Variants in SAMD12 observed in about 807,000 individuals in gnomAD.
SAMD12 encodes the protein sterile alpha motif domain-containing protein 12.
SAMD12 carries 9 observed loss-of-function variants against 15.0 expected under a neutral mutation model. The ratio of observed to expected loss-of-function variants is 0.60; its 90% confidence interval spans 0.36 to 1.05. The LOEUF is 1.05. Ranked by LOEUF, SAMD12 falls within the 50% of genes least tolerant of loss-of-function variation. The probability of loss-of-function intolerance (pLI) is 0.01; values close to 1 mark genes in which losing one functional copy is unlikely to be tolerated. For missense variants in SAMD12, 230 were observed against 234.2 expected (o/e 0.98, Z 0.12); for synonymous variants, 86 against 90.1 (o/e 0.96, Z 0.25).
At chr8:118,585,542 T>A (rs11989600) in intron 1 of SAMD12, among the ~76,000 whole-genome samples, 5,785 of 149,528 alleles carry the variant, frequency 0.039, 174 homozygotes, top group East Asian at 0.13. Flanking sequence ...AAAGAGAGGT[T>A]CCAAAGATAT....
intron 3 of SAMD12, among the ~76,000 whole-genome samples, chr8:118,381,590 C>A (rs914785777): frequency 6.6e-6 from 1 of 152,048 alleles, no homozygotes; most frequent in Non-Finnish European, 1.5e-5. Flanking sequence ...GAAGGGAGAG[C>A]CAGAGAGACA....
intron 2 of SAMD12, among the ~76,000 whole-genome samples, chr8:118,454,749 C>T (rs1370466400): frequency 6.6e-6 from 1 of 152,156 alleles, no homozygotes; most frequent in Non-Finnish European, 1.5e-5. Context: ...TCTTTCCATT[C>T]TGCAAAACTG....
At chr8:118,465,209 C>T (rs1014618425) in intron 2 of SAMD12, among the ~76,000 whole-genome samples, 1 of 152,092 alleles carries the variant, frequency 6.6e-6, no homozygotes, top group Non-Finnish European at 1.5e-5. Flanking sequence ...GACCCAGGAG[C>T]AATGATTATA....
chr8:118,610,454 G>A (rs1828081463), intron 1 of SAMD12, among the ~76,000 whole-genome samples: 1 of 152,168 alleles, frequency 6.6e-6, no homozygotes, highest in African/African-American at 2.4e-5. Flanking sequence ...ACAAAGCCAA[G>A]TTCTACCACA....
intron 2 of SAMD12, among the ~76,000 whole-genome samples, chr8:118,515,343 C>A (rs1825213004): frequency 6.6e-6 from 1 of 151,984 alleles, no homozygotes; most frequent in Non-Finnish European, 1.5e-5. Context: ...CCTCCTGGCT[C>A]CAGCCACGTA....
In SAMD12 at chr8:118,329,205, A is replaced by C. The variant is rs1421935626; in HGVS notation, c.433+50355T>G. Among the ~76,000 whole-genome samples the C allele has an allele frequency of 2.6e-5, 4 of 152,302 alleles. No individual in the cohort carries two copies. In the East Asian group the frequency reaches 7.7e-4, roughly 29 times the overall value. On this transcript the variant is annotated intron_variant, in intron 4 of 4. Coordinates refer to the SAMD12 transcript ENST00000409003. ...GGTACTCTGCAGAAACCCCTTCCCT[A>C]TCTTGGACATAAGGTCATCTAAGGC... is the stretch of plus-strand genomic sequence containing the variant.
chr8:118,591,628 C>A (rs1827587505), intron 1 of SAMD12, among the ~76,000 whole-genome samples: 1 of 151,840 alleles, frequency 6.6e-6, no homozygotes, highest in Admixed American at 6.6e-5. Context: ...ATAAAAAGTG[C>A]AACCTACCTG....
At chr8:118,580,624 GA>G in intron 2 of SAMD12, 90 bp downstream of exon 2, 1 of 850,792 alleles carries the variant, frequency 1.2e-6, no homozygotes. Context: ...GGTAATTAGT[GA>G]AAGCACTATC....
chr8:118,548,425 C>CA (rs1826201317), intron 2 of SAMD12, among the ~76,000 whole-genome samples: 1 of 133,134 alleles, frequency 7.5e-6, no homozygotes, highest in Non-Finnish European at 1.6e-5. Flanking sequence ...ACACACACAC[C>CA]CCATGTGATG....
chr8:118,398,104 AAAT>A (rs1820676047), intron 3 of SAMD12, among the ~76,000 whole-genome samples: 2 of 152,276 alleles, frequency 1.3e-5, no homozygotes, highest in South Asian at 4.1e-4. Flanking sequence ...TTGAGAATTT[AAAT>A]AATATGACTA....
At chr8:118,293,527 A>C (rs748078427) in intron 4 of SAMD12, among the ~76,000 whole-genome samples, 21 of 152,248 alleles carry the variant, frequency 1.4e-4, no homozygotes, top group Non-Finnish European at 3.1e-4. Context: ...TTTGGTTTAA[A>C]AATACATGGT....
At chr8:118,212,146 G>A (rs994518112) in intron 4 of SAMD12, among the ~76,000 whole-genome samples, 5 of 151,782 alleles carry the variant, frequency 3.3e-5, no homozygotes, top group African/African-American at 1.2e-4. Context: ...CTTTAGAGAT[G>A]GGGGTCTCAC....
chr8:118,533,659 T>C (rs555302372), intron 2 of SAMD12, among the ~76,000 whole-genome samples: 1 of 152,376 alleles, frequency 6.6e-6, no homozygotes, highest in East Asian at 1.9e-4. Context: ...GATAGTTAGC[T>C]CTTCTTGTTG....
intron 2 of SAMD12, among the ~76,000 whole-genome samples, chr8:118,542,941 G>A (rs1054067333): frequency 3.3e-5 from 5 of 151,916 alleles, no homozygotes; most frequent in African/African-American, 4.8e-5. Flanking sequence ...TAGTACAAAG[G>A]AAGCCAACAT....
intron 4 of SAMD12, among the ~76,000 whole-genome samples, chr8:118,231,287 G>C (rs1331610098): frequency 6.6e-6 from 1 of 152,128 alleles, no homozygotes; most frequent in African/African-American, 2.4e-5. Flanking sequence ...GATGGCAGGT[G>C]CTAACTCTGG....
intron 4 of SAMD12, among the ~76,000 whole-genome samples, chr8:118,210,290 G>C (rs1237171872): frequency 6.6e-6 from 1 of 152,162 alleles, no homozygotes; most frequent in Non-Finnish European, 1.5e-5. Flanking sequence ...TTTGAAATGG[G>C]AGAACTAGAG....
At chr8:118,580,664 T>C in intron 2 of SAMD12, 51 bp downstream of exon 2, 1 of 1,375,688 alleles carries the variant, frequency 7.3e-7, no homozygotes, top group Non-Finnish European at 1.0e-6. Flanking sequence ...GACTACAACA[T>C]ATAAAGGCTG....
At chr8:118,605,876 T>A (rs995301892) in intron 1 of SAMD12, among the ~76,000 whole-genome samples, 3 of 143,830 alleles carry the variant, frequency 2.1e-5, no homozygotes, top group Admixed American at 7.0e-5. Flanking sequence ...AAGGGTTTAC[T>A]GGCTGAAGAG....
intron 4 of SAMD12, among the ~76,000 whole-genome samples, chr8:118,203,775 C>T (rs1430161798): frequency 7.0e-6 from 1 of 142,720 alleles, no homozygotes; most frequent in Non-Finnish European, 1.5e-5. Context: ...TGTTCCCCTT[C>T]CTGTGTCCAA....
Sources: allele counts gnomAD v4.1 joint callset (sites outside exome capture counted in the v4.1 genomes callset), GRCh38; gene constraint gnomAD v4.1.1; transcripts MANE v1.5; gene names NCBI Gene and HGNC (gene_info 2026-07-23, HGNC 2026-07-21).